The following DZIP1 variants were observed in gnomAD, a reference collection of about 807,000 sequenced individuals.
The protein encoded by DZIP1 is cilium assembly protein DZIP1.
Under a neutral mutation model 107.6 loss-of-function variants are expected in DZIP1, and 97 were observed. The observed-to-expected ratio is 0.90, with a 90% CI of 0.77 to 1.07. DZIP1 has a LOEUF of 1.07. Ranked by LOEUF, DZIP1 falls within the 50% of genes least tolerant of loss-of-function variation. DZIP1 has a pLI of 0.00. For synonymous variants in DZIP1, 390 were observed against 386.4 expected, an observed-to-expected ratio of 1.01 and a Z score of -0.11; for missense variants, 1,035 against 1,063.6, an observed-to-expected ratio of 0.97 and a Z score of 0.37.
At chr13:95,606,381 A>G (rs928636195) in intron 13 of DZIP1, among the ~76,000 whole-genome samples, 1 of 152,070 alleles carries the variant, frequency 6.6e-6, no homozygotes, top group African/African-American at 2.4e-5. Flanking sequence ...CATACCCATC[A>G]CACCTCATTT....
At chr13:95,628,802 T>G (rs1015581986) in intron 7 of DZIP1, among the ~76,000 whole-genome samples, 3 of 152,310 alleles carry the variant, frequency 2.0e-5, no homozygotes, top group African/African-American at 7.2e-5. Context: ...AAATACTCTA[T>G]GCTTCCATTC....
At chr13:95,630,850 T>A in intron 6 of DZIP1, 1 of 747,082 alleles carries the variant, frequency 1.3e-6, no homozygotes, top group Non-Finnish European at 2.0e-6. Context: ...TCTGAAACCC[T>A]CTCTGAAACG....
chr13:95,617,176 C>T (rs986181653), intron 10 of DZIP1, among the ~76,000 whole-genome samples: 3 of 151,336 alleles, frequency 2.0e-5, no homozygotes, highest in Admixed American at 2.0e-4. Context: ...CACTCCAGCC[C>T]GTGCAACAGA....
chr13:95,605,856 A>G (rs1955685255), intron 14 of DZIP1, 147 bp downstream of exon 14: 2 of 728,962 alleles, frequency 2.7e-6, no homozygotes, highest in Admixed American at 2.8e-5. Context: ...ACACATGAAG[A>G]CTGCAGTTTT....
rs2043968463 is a variant in DZIP1, at chr13:95,578,419, G to C, written c.*3815C>G. On this transcript the variant is annotated 3_prime_UTR_variant, in exon 23 of 23. Coordinates refer to ENST00000376829, the MANE Select transcript of DZIP1 (RefSeq NM_198968.4). ...GGAACAATGTCTTATAAACAGCATG[G>C]GGGCAATCTGAGAATATTCCTCAAA... The C allele has an allele frequency of 6.6e-6, 1 of 152,666 alleles. No individual in the cohort carries two copies. Among genetic ancestry groups the C allele is most frequent in the African/African-American group, 2.4e-5 (1 of 41,442 alleles). 9.5% of individuals were successfully genotyped at this position (152,666 alleles called of 1,614,324 possible).
chr13:95,636,600 A>C (rs1877858398), intron 5 of DZIP1, among the ~76,000 whole-genome samples: 1 of 151,940 alleles, frequency 6.6e-6, no homozygotes, highest in Non-Finnish European at 1.5e-5. Flanking sequence ...TAAAAGAGAC[A>C]CTGTTGAAAA....
At position 95,641,439 on chromosome 13, in the gene DZIP1, C is replaced by G; in HGVS notation, c.453G>C (p.Leu151=). ...QLHTLEERLR[L]SHCDGEQSKK... ...TGCTCTGCTCGCCGTCGCAGTGGCT[C>G]AGGCGCAGCCGCTCCTCCAGGGTGT... The change falls in exon 5 of 23, where the codon CTG becomes CTC. Residue 151 remains leucine, a synonymous_variant. Transcript: ENST00000376829. The surrounding 1 kb of genome is among the most constrained non-coding windows in gnomAD (Gnocchi z 4.3). 1.2e-6 allele frequency: 2 copies of G among 1,614,152 alleles called. No individual in the cohort carries two copies. Among genetic ancestry groups the G allele is most frequent in the Non-Finnish European group, 8.5e-7 (1 of 1,180,028 alleles).
chr13:95,627,677 T>G (rs548501018), intron 7 of DZIP1, among the ~76,000 whole-genome samples: 1 of 152,278 alleles, frequency 6.6e-6, no homozygotes, highest in South Asian at 2.1e-4. Flanking sequence ...ATAAGAACAT[T>G]ACTGGTGAAA....
intron 13 of DZIP1, among the ~76,000 whole-genome samples, chr13:95,608,283 A>G (rs548865747): frequency 7.5e-4 from 114 of 152,192 alleles, no homozygotes; most frequent in African/African-American, 2.6e-3. Context: ...TTTTATATAT[A>G]CTATAATACA....
chr13:95,601,917 C>T (rs868350933), intron 14 of DZIP1, among the ~76,000 whole-genome samples: 1 of 152,184 alleles, frequency 6.6e-6, no homozygotes, highest in African/African-American at 2.4e-5. Context: ...TTTCTCCAGT[C>T]TCATCACCAC....
intron 20 of DZIP1, among the ~76,000 whole-genome samples, chr13:95,587,315 T>C (rs544250608): frequency 2.0e-5 from 3 of 152,166 alleles, no homozygotes; most frequent in Admixed American, 1.3e-4. Context: ...GGTACTGTTA[T>C]AGCAGCCCTA....
At chr13:95,621,665 AGTGTGTGTGTGTGTGTGTGTGTGTGT>A (rs3051402) in intron 9 of DZIP1, among the ~76,000 whole-genome samples, 6 of 123,326 alleles carry the variant, frequency 4.9e-5, no homozygotes, top group African/African-American at 1.5e-4. Flanking sequence ...ACCAGTTAGC[AGTGTGTGTGTGTGTGTGTGTGTGTGT>A]GTGTGTGTGT....
At chr13:95,598,249 A>T (rs1359078396) in intron 15 of DZIP1, among the ~76,000 whole-genome samples, 1 of 152,218 alleles carries the variant, frequency 6.6e-6, no homozygotes, top group African/African-American at 2.4e-5. Flanking sequence ...AGTGCCAAAC[A>T]TGAACAACTA....
intron 14 of DZIP1, among the ~76,000 whole-genome samples, chr13:95,601,197 T>C (rs2044609134): frequency 6.6e-6 from 1 of 152,208 alleles, no homozygotes; most frequent in South Asian, 2.1e-4. Context: ...AAGGGGAGAC[T>C]CCTGAACGTG....
In DZIP1 at chr13:95,581,893, G is replaced by A; in HGVS notation, c.*341C>T. The A allele has an allele frequency of 5.5e-6, 1 of 181,714 alleles. No homozygotes were observed. Among genetic ancestry groups the A allele is most frequent in the Non-Finnish European group, 1.1e-5 (1 of 87,914 alleles). The allele number at this position is 181,714 out of a possible 1,614,324, so 11.3% of individuals were successfully genotyped here. ...TTAGTAATTCAAACCAAAACATGCT[G>A]TAAGTTTAAAAAAAATTCACTAAAA... On this transcript the variant is annotated 3_prime_UTR_variant, in exon 23 of 23. Coordinates refer to ENST00000376829, the MANE Select transcript of DZIP1 (RefSeq NM_198968.4).
intron 5 of DZIP1, among the ~76,000 whole-genome samples, chr13:95,636,261 G>A (rs922644025): frequency 2.0e-5 from 3 of 151,762 alleles, no homozygotes; most frequent in African/African-American, 7.3e-5. Context: ...CAAGGAATAG[G>A]GCCGGGTGCA....
Position 95,619,621 on chromosome 13 carries a change from T to C in DZIP1, c.1173+264A>G, listed in dbSNP as rs139679352. ...TATTAGTTTTTAAAATCAGTACTTT[T>C]TAATGGGAACAACTTGACCAAAAAT... On this transcript the variant is annotated intron_variant, in intron 10 of 22. Transcript: ENST00000376829. Among the ~76,000 whole-genome samples, 4 of 152,258 alleles carry C rather than the reference T, an allele frequency of 2.6e-5. No homozygotes were observed. In the East Asian group the frequency reaches 5.8e-4, roughly 22 times the overall value.
At position 95,641,632 on chromosome 13, in the gene DZIP1, A is replaced by C; in HGVS notation, c.260T>G (p.Leu87Arg). The change falls in exon 5 of 23, where the codon CTG (leucine) becomes CGG (arginine). Residue 87 changes from leucine (L) to arginine (R), a missense_variant. By Grantham distance (102) the Leu-to-Arg change is moderately radical. Coordinates refer to ENST00000376829, the MANE Select transcript of DZIP1 (RefSeq NM_198968.4). This position sits in a 1 kb window ranked among gnomAD's most constrained non-coding sequence, Gnocchi z 4.3. ...VDKVAGAVDV[L>R]TLQENIMNIT... ...GTTCATGATGTTCTCCTGCAGCGTC[A>C]GCACGTCCACAGCCCCCGCCACCTT... 6.2e-7 allele frequency: 1 copy of C among 1,611,104 alleles called. No homozygotes were observed. The highest frequency in any genetic ancestry group is 8.5e-7 in the Non-Finnish European group (1 of 1,180,018).
Position 95,633,224 on chromosome 13 carries a change from C to T in DZIP1, c.685+10G>A, listed in dbSNP as rs779784127. ...AAGAAAAGAGCTTTCAAACAGAACTCATTACTCACCAAAATGAGAATTTTC... is the reference window on the plus strand; with the variant it reads ...AAGAAAAGAGCTTTCAAACAGAACTTATTACTCACCAAAATGAGAATTTTC... On this transcript the variant is annotated intron_variant, in intron 6 of 22. Coordinates refer to ENST00000376829, the MANE Select transcript of DZIP1 (RefSeq NM_198968.4). 6.2e-7 allele frequency: 1 copy of T among 1,611,916 alleles called. No individual in the cohort carries two copies. The highest frequency in any genetic ancestry group is 8.5e-7 in the Non-Finnish European group (1 of 1,178,158).
Sources: gnomAD v4.1 joint callset for allele counts (sites outside exome capture counted in the v4.1 genomes callset) on GRCh38, gnomAD v4.1.1 for gene constraint, Gnocchi (gnomAD v3.1) non-coding constraint, MANE v1.5 for transcripts, NCBI Gene and HGNC (gene_info 2026-07-23, HGNC 2026-07-21) for gene names.